The following ZBTB7C variants were observed in gnomAD, a reference collection of about 807,000 sequenced individuals.
The protein encoded by ZBTB7C is zinc finger and BTB domain-containing protein 7C.
In ZBTB7C, 8 loss-of-function variants were observed where a neutral mutation model predicts 25.7. The ratio of observed to expected loss-of-function variants is 0.31; its 90% CI spans 0.18 to 0.56. The LOEUF (loss-of-function observed/expected upper bound fraction) is 0.56. Ranked by LOEUF, ZBTB7C falls within the 20% of genes least tolerant of loss-of-function variation. ZBTB7C has a pLI of 0.91. For synonymous variants in ZBTB7C, 394 were observed against 369.0 expected, an observed-to-expected ratio of 1.07 and a Z score of -0.78; for missense variants, 824 against 855.2, an observed-to-expected ratio of 0.96 and a Z score of 0.46.
rs563644360 is a variant in ZBTB7C at position 48,187,637 on chromosome 18, C to G, written c.-78-1642G>C. ...GACCATCCTGGCTAACACGGTGAAA[C>G]CCCGTCTCTACTAAAAATACACACA... On this transcript the variant is annotated intron_variant, in intron 2 of 4. Coordinates refer to ENST00000590800, the MANE Select transcript of ZBTB7C (RefSeq NM_001318841.2). Among the ~76,000 whole-genome samples, 3 of 152,062 alleles carry G rather than the reference C, an allele frequency of 2.0e-5. No individual in the cohort carries two copies. The East Asian group carries it at 5.8e-4, about 30-fold the overall frequency.
chr18:48,190,579 T>G (rs569055495), intron 2 of ZBTB7C, among the ~76,000 whole-genome samples: 1 of 152,220 alleles, frequency 6.6e-6, no homozygotes, highest in Admixed American at 6.5e-5. Flanking sequence ...ATATGACTTG[T>G]GAGTTTAGTA....
At chr18:48,175,994 C>T (rs1249033784) in intron 3 of ZBTB7C, among the ~76,000 whole-genome samples, 2 of 152,164 alleles carry the variant, frequency 1.3e-5, no homozygotes, top group Non-Finnish European at 2.9e-5. Context: ...GGTGCTACAT[C>T]TAGGGAGAGA....
intron 2 of ZBTB7C, among the ~76,000 whole-genome samples, chr18:48,240,173 T>A (rs918564047): frequency 6.6e-6 from 1 of 151,606 alleles, no homozygotes; most frequent in African/African-American, 2.4e-5. Flanking sequence ...GAAAAAAAAA[T>A]TTTAAATGAA....
intron 2 of ZBTB7C, among the ~76,000 whole-genome samples, chr18:48,319,576 A>G (rs945306824): frequency 2.0e-5 from 3 of 152,228 alleles, no homozygotes; most frequent in Non-Finnish European, 4.4e-5. Context: ...TTATTAAGTG[A>G]AAAAGGCTGC....
rs1446545694 is a variant in ZBTB7C at position 48,180,643 on chromosome 18, C to T, written c.-17+5291G>A. 9.9e-5 allele frequency among the ~76,000 whole-genome samples: 15 copies of T among 152,200 alleles called. No homozygotes were observed. In the South Asian group the frequency reaches 1.0e-3, roughly 11 times the overall value. ...GGCAAGTAAGTGGGAGGGTAAGGCC[C>T]GCATACCTTGGTGTTCTACAGTGTA... On this transcript the variant is annotated intron_variant, in intron 3 of 4. Transcript: ENST00000590800.
intron 2 of ZBTB7C, among the ~76,000 whole-genome samples, chr18:48,193,943 G>A (rs2042259409): frequency 1.3e-5 from 2 of 152,228 alleles, no homozygotes; most frequent in Admixed American, 6.5e-5. Flanking sequence ...GAGGGAGTGG[G>A]GGAGGTTGTG....
chr18:48,160,643 G>A (rs959049510), intron 3 of ZBTB7C, among the ~76,000 whole-genome samples: 13 of 152,160 alleles, frequency 8.5e-5, no homozygotes, highest in African/African-American at 3.1e-4. Context: ...TGATCAAAGA[G>A]CTCCAAGCTT....
At chr18:48,139,386 G>A (rs532665286) in intron 3 of ZBTB7C, among the ~76,000 whole-genome samples, 10 of 152,282 alleles carry the variant, frequency 6.6e-5, no homozygotes, top group South Asian at 6.2e-4. Context: ...GCTGGAGCGG[G>A]ATGTGGGAGG....
chr18:48,361,621 C>A (rs6507842), intron 1 of ZBTB7C, among the ~76,000 whole-genome samples: 39,334 of 152,156 alleles, frequency 0.26, 5,419 homozygotes, highest in Non-Finnish European at 0.3. Flanking sequence ...CCCCTGATGC[C>A]CTGTTGAGAG....
intron 2 of ZBTB7C, among the ~76,000 whole-genome samples, chr18:48,285,165 A>G (rs1292292601): frequency 6.6e-6 from 1 of 152,138 alleles, no homozygotes; most frequent in East Asian, 1.9e-4. Context: ...TGTTACTTGT[A>G]TTGTTTGAAC....
At chr18:48,215,012 T>C (rs2042788474) in intron 2 of ZBTB7C, among the ~76,000 whole-genome samples, 1 of 152,252 alleles carries the variant, frequency 6.6e-6, no homozygotes, top group South Asian at 2.1e-4. Flanking sequence ...GTTGCATATA[T>C]GTGTTTATAA....
chr18:48,176,566 T>C (rs1196784678), intron 3 of ZBTB7C, among the ~76,000 whole-genome samples: 1 of 152,106 alleles, frequency 6.6e-6, no homozygotes, highest in Non-Finnish European at 1.5e-5. Flanking sequence ...GGGAAACACA[T>C]GCTGAAGTAT....
At chr18:48,409,886 C>A (rs1437500028), upstream of ZBTB7C, among the ~76,000 whole-genome samples, 1 of 152,142 alleles carries the variant, frequency 6.6e-6, no homozygotes, top group African/African-American at 2.4e-5. Flanking sequence ...TCTCCGGTCT[C>A]CTGACGCCCT....
intron 2 of ZBTB7C, among the ~76,000 whole-genome samples, chr18:48,248,586 C>T (rs1005493766): frequency 6.6e-6 from 1 of 152,080 alleles, no homozygotes; most frequent in Non-Finnish European, 1.5e-5. Context: ...TTTATTGCTG[C>T]CATGCTTATT....
intron 2 of ZBTB7C, among the ~76,000 whole-genome samples, chr18:48,200,975 C>T (rs1177378868): frequency 6.6e-6 from 1 of 152,196 alleles, no homozygotes; most frequent in Non-Finnish European, 1.5e-5. Context: ...AGGCACCACC[C>T]CCTTGGAGCC....
At chr18:48,345,003 C>A (rs2046694652) in intron 1 of ZBTB7C, among the ~76,000 whole-genome samples, 1 of 152,198 alleles carries the variant, frequency 6.6e-6, no homozygotes, top group African/African-American at 2.4e-5. Flanking sequence ...GTATTTTAAG[C>A]ACAAACTGCC....
chr18:48,245,507 A>AAG (rs56858676), intron 2 of ZBTB7C, among the ~76,000 whole-genome samples: 1 of 78,066 alleles, frequency 1.3e-5, no homozygotes, highest in East Asian at 3.9e-4. Context: ...AAAAAAAAAA[A>AAG]GAAAAAATGA....
At chr18:48,137,612 T>A (rs941591481) in intron 3 of ZBTB7C, among the ~76,000 whole-genome samples, 3 of 152,174 alleles carry the variant, frequency 2.0e-5, no homozygotes, top group Non-Finnish European at 4.4e-5. Flanking sequence ...GTCGTGAGTG[T>A]AACTTAACCA....
chr18:48,216,686 C>T (rs1350025618), intron 2 of ZBTB7C, among the ~76,000 whole-genome samples: 1 of 152,084 alleles, frequency 6.6e-6, no homozygotes, highest in Admixed American at 6.5e-5. Flanking sequence ...TAAAACCCCG[C>T]TCCGTCAGCC....
Sources: allele counts gnomAD v4.1 joint callset (sites outside exome capture counted in the v4.1 genomes callset), GRCh38; gene constraint gnomAD v4.1.1; transcripts MANE v1.5; gene names NCBI Gene and HGNC (gene_info 2026-07-23, HGNC 2026-07-21).